Variants in ETV7 observed in about 807,000 individuals in gnomAD.
The protein encoded by ETV7 is transcription factor ETV7.
Under a neutral mutation model 39.1 loss-of-function variants are expected in ETV7, and 43 were observed. The ratio of observed to expected loss-of-function variants is 1.10; its 90% CI spans 0.86 to 1.42. The LOEUF is 1.42. ETV7 is among the 40% of genes most tolerant of loss of function. The pLI, the probability that ETV7 is intolerant of heterozygous loss-of-function variation, is 0.00. For missense variants in ETV7, 432 were observed against 442.3 expected, an observed-to-expected ratio of 0.98 and a Z score of 0.21; for synonymous variants, 196 against 176.6, an observed-to-expected ratio of 1.11 and a Z score of -0.87.
downstream of ETV7, among the ~76,000 whole-genome samples, chr6:36,364,954 G>C (rs1772665221): frequency 6.6e-6 from 1 of 152,228 alleles, no homozygotes; most frequent in African/African-American, 2.4e-5. Flanking sequence ...GAGGGTCCCA[G>C]ATAGGACTAA....
chr6:36,377,403 G>C (rs6928048), intron 2 of ETV7, among the ~76,000 whole-genome samples: 2 of 151,976 alleles, frequency 1.3e-5, no homozygotes, highest in Non-Finnish European at 2.9e-5. Flanking sequence ...GGAGGTCACA[G>C]TGAACCATCA....
At chr6:36,363,478 C>T (rs190404498), downstream of ETV7, among the ~76,000 whole-genome samples, 121 of 152,230 alleles carry the variant, frequency 7.9e-4, no homozygotes, top group African/African-American at 2.7e-3. Flanking sequence ...TCATTCATTC[C>T]TCCCGGTGGG....
chr6:36,381,520 TCAGACCCCAG>T (rs1773653659), intron 2 of ETV7, among the ~76,000 whole-genome samples: 1 of 152,206 alleles, frequency 6.6e-6, no homozygotes, highest in Non-Finnish European at 1.5e-5. Context: ...ATGCTGATCA[TCAGACCCCAG>T]CCTGAAAACA....
At chr6:36,381,081 C>A (rs1305958115) in intron 2 of ETV7, among the ~76,000 whole-genome samples, 1 of 152,220 alleles carries the variant, frequency 6.6e-6, no homozygotes, top group Non-Finnish European at 1.5e-5. Context: ...GTCTAGTGAG[C>A]TCCAGGAGCC....
At chr6:36,381,375 C>T (rs753370910) in intron 2 of ETV7, among the ~76,000 whole-genome samples, 4 of 152,014 alleles carry the variant, frequency 2.6e-5, no homozygotes, top group East Asian at 1.9e-4. Flanking sequence ...AACTGTAAGG[C>T]GGAGATAACA....
downstream of ETV7, among the ~76,000 whole-genome samples, chr6:36,363,381 C>A (rs6457901): frequency 0.012 from 729 of 62,182 alleles, 6 homozygotes; most frequent in South Asian, 0.052. Flanking sequence ...CGTTCCTCCC[C>A]GTGGGCTCAT....
chr6:36,362,836 A>G (rs1047429208), downstream of ETV7, among the ~76,000 whole-genome samples: 20 of 152,222 alleles, frequency 1.3e-4, no homozygotes, highest in Non-Finnish European at 2.5e-4. Context: ...TTAAGGCCTC[A>G]TCGCTGGGAA....
At chr6:36,363,060 A>C (rs1582167656), downstream of ETV7, among the ~76,000 whole-genome samples, 4 of 152,256 alleles carry the variant, frequency 2.6e-5, no homozygotes, top group African/African-American at 9.6e-5. Flanking sequence ...TCTCTGTAAA[A>C]TGAGGGCCTG....
Position 36,366,221 on chromosome 6 carries a change from G to A in ETV7, c.*424C>T, listed in dbSNP as rs943812349. 2.9e-6 allele frequency: 3 copies of A among 1,019,314 alleles called. No individual in the cohort carries two copies. In the African/African-American group the frequency reaches 5.1e-5, roughly 17 times the overall value. The allele number at this position is 1,019,314 out of a possible 1,614,324, so 63.1% of individuals were successfully genotyped here. A position where few individuals can be genotyped will look rare whatever the true frequency, so the allele number is the denominator to read the frequency against. ...AGCTACCATTGTTTTTATTGTTACT[G>A]AGGCTGTCAGTGCCGCCTGGAAGCA... On this transcript the variant is annotated 3_prime_UTR_variant, in exon 8 of 8. Coordinates refer to ENST00000340181, the MANE Select transcript of ETV7 (RefSeq NM_016135.4).
intron 7 of ETV7, among the ~76,000 whole-genome samples, chr6:36,358,730 A>G (rs1772401443): frequency 2.0e-5 from 3 of 152,200 alleles, no homozygotes; most frequent in Non-Finnish European, 4.4e-5. Flanking sequence ...TGAGAATCTG[A>G]TATGTACTCC....
chr6:36,382,445 G>A (rs926413386), intron 2 of ETV7, among the ~76,000 whole-genome samples: 6 of 152,132 alleles, frequency 3.9e-5, no homozygotes, highest in Admixed American at 2.6e-4. Flanking sequence ...CAGAATCTCA[G>A]GCCCCATCCC....
intron 2 of ETV7, among the ~76,000 whole-genome samples, chr6:36,376,435 A>G (rs531441272): frequency 6.6e-6 from 1 of 152,342 alleles, no homozygotes; most frequent in Admixed American, 6.5e-5. Flanking sequence ...GTAGGTGCTC[A>G]GAAAACACAT....
intron 7 of ETV7, among the ~76,000 whole-genome samples, chr6:36,360,997 T>C (rs1772473324): frequency 6.6e-6 from 1 of 152,200 alleles, no homozygotes; most frequent in Non-Finnish European, 1.5e-5. Context: ...GCTACATCTG[T>C]TTCCCCTACT....
At chr6:36,363,987 C>G, downstream of ETV7, among the ~76,000 whole-genome samples, 1 of 146,386 alleles carries the variant, frequency 6.8e-6, no homozygotes, top group African/African-American at 2.6e-5. Context: ...CCCACCAGAG[C>G]AGCTAGATAC....
At chr6:36,380,828 G>A (rs963050916) in intron 2 of ETV7, among the ~76,000 whole-genome samples, 11 of 152,240 alleles carry the variant, frequency 7.2e-5, no homozygotes, top group Admixed American at 5.9e-4. Flanking sequence ...GCAGTGTGGG[G>A]TCACCCCCAG....
chr6:36,363,041 C>A (rs978708080), downstream of ETV7, among the ~76,000 whole-genome samples: 1 of 152,202 alleles, frequency 6.6e-6, no homozygotes, highest in Non-Finnish European at 1.5e-5. Context: ...GCTCTGGCGG[C>A]AGTTCCCTTC....
At chr6:36,376,926 G>A (rs1185217012) in intron 2 of ETV7, among the ~76,000 whole-genome samples, 1 of 152,152 alleles carries the variant, frequency 6.6e-6, no homozygotes, top group Non-Finnish European at 1.5e-5. Context: ...GCTCCATTGT[G>A]CCAACTTGGA....
intron 7 of ETV7, among the ~76,000 whole-genome samples, chr6:36,356,689 C>A (rs1464088647): frequency 6.6e-6 from 1 of 152,240 alleles, no homozygotes; most frequent in Admixed American, 6.5e-5. Context: ...CCAGCCTGGG[C>A]TACAGGGCCC....
intron 5 of ETV7, among the ~76,000 whole-genome samples, 169 bp from the exon 6 acceptor site, chr6:36,369,240 T>C (rs1249263927): frequency 1.3e-5 from 2 of 152,164 alleles, no homozygotes; most frequent in African/African-American, 4.8e-5. Flanking sequence ...TCCTCACGCA[T>C]TGTCTCAGGC....
Sources: allele counts gnomAD v4.1 joint callset (sites outside exome capture counted in the v4.1 genomes callset), GRCh38; gene constraint gnomAD v4.1.1; transcripts MANE v1.5; gene names NCBI Gene and HGNC (gene_info 2026-07-23, HGNC 2026-07-21).